The following GREB1 variants were observed in gnomAD, a reference collection of about 807,000 sequenced individuals.
The protein encoded by GREB1 is growth regulating estrogen receptor binding 1.
Under a neutral mutation model 200.7 loss-of-function variants are expected in GREB1, and 106 were observed. The ratio of observed to expected loss-of-function variants is 0.53; its 90% CI spans 0.45 to 0.62. The LOEUF is 0.62. Among genes scored for constraint, GREB1 ranks in the 20% least tolerant of loss-of-function variants. The pLI, the probability that GREB1 is intolerant of heterozygous loss-of-function variation, is 0.00. For missense variants in GREB1, 2,243 were observed against 2,556.8 expected (o/e 0.88, Z 2.65); for synonymous variants, 1,132 against 1,092.4 (o/e 1.04, Z -0.72).
intron 1 of GREB1, among the ~76,000 whole-genome samples, chr2:11,499,671 T>C (rs996769786): frequency 5.3e-5 from 8 of 152,258 alleles, no homozygotes; most frequent in Admixed American, 1.3e-4. Context: ...AGAAAACTTA[T>C]AAAGCATGGA....
chr2:11,631,071 A>G (rs1684837853), intron 26 of GREB1, among the ~76,000 whole-genome samples: 1 of 152,146 alleles, frequency 6.6e-6, no homozygotes, highest in Non-Finnish European at 1.5e-5. Flanking sequence ...GTGAAATTCC[A>G]GGGGTGAAAT....
rs1443145569 is a variant in GREB1, at chr2:11,625,301, T to C, written c.4295T>C (p.Ile1432Thr). The C allele has an allele frequency of 6.2e-7, 1 of 1,614,150 alleles. No homozygotes were observed. Among genetic ancestry groups the C allele is most frequent in the Non-Finnish European group, 8.5e-7 (1 of 1,180,004 alleles). Residue 1432 changes from isoleucine to threonine, a missense_variant, in exon 24 of 33, where the codon ATA (isoleucine) becomes ACA (threonine). Ile to Thr is a moderately conservative substitution (Grantham distance 89, BLOSUM62 -1). This residue lies in a region of GREB1 where 587 missense variants were observed against 553.1 expected (regional missense o/e 1.06). Transcript: ENST00000381486. ...CTGATTTGTTCGCACTATCAGGGTA[T>C]AAAGAGTGAAGGTCAGACTTTGAAT... ...ASLICSHYQG[I>T]KSEDRGMSRK...
At chr2:11,638,315 A>AT (rs1390655365) in intron 31 of GREB1, among the ~76,000 whole-genome samples, 91 of 152,056 alleles carry the variant, frequency 6.0e-4, no homozygotes, top group African/African-American at 2.2e-3. Context: ...TAATTTTTGT[A>AT]TTTTTAGTAG....
At chr2:11,562,187 C>T (rs1032546287) in intron 2 of GREB1, among the ~76,000 whole-genome samples, 6 of 152,210 alleles carry the variant, frequency 3.9e-5, no homozygotes, top group African/African-American at 1.4e-4. Context: ...GCCGTGTGAC[C>T]TTGGGTGAGT....
Position 11,612,500 on chromosome 2 carries a change from G to A in GREB1, c.3012G>A (p.Trp1004Ter). The part of the protein sequence containing the change: ...GKHFVKQLRM[W>*]QKIEDVEWRP... ...TTCTTTTTCGTTATCTGCAGATGTG[G>A]CAGAAAATTGAGGATGTGGAGTGGA... The change falls in exon 19 of 33, where the codon TGG becomes TGA. Residue 1004 changes from tryptophan (W) to a stop codon, truncating the protein, a stop_gained. Coordinates refer to ENST00000381486, the MANE Select transcript of GREB1 (RefSeq NM_014668.4). LOFTEE classifies it high-confidence loss of function. The A allele has an allele frequency of 6.2e-7, 1 of 1,604,986 alleles. No homozygotes were observed. Among genetic ancestry groups the A allele is most frequent in the African/African-American group, 1.3e-5 (1 of 74,880 alleles).
At chr2:11,498,474 T>C (rs1672946637) in intron 1 of GREB1, among the ~76,000 whole-genome samples, 1 of 152,198 alleles carries the variant, frequency 6.6e-6, no homozygotes, top group African/African-American at 2.4e-5. Context: ...TACCTAAAGT[T>C]TGCATAATAA....
intron 1 of GREB1, among the ~76,000 whole-genome samples, chr2:11,485,065 G>T (rs981595631): frequency 6.6e-6 from 1 of 152,068 alleles, no homozygotes; most frequent in South Asian, 2.1e-4. Flanking sequence ...CTGTCCTCGT[G>T]ATCTGCCCGC....
chr2:11,636,036 C>G (rs1393808581), intron 30 of GREB1, among the ~76,000 whole-genome samples: 1 of 152,220 alleles, frequency 6.6e-6, no homozygotes, highest in Non-Finnish European at 1.5e-5. Context: ...CAGGCTCTAT[C>G]CCTCCTTGTC....
At chr2:11,544,452 G>C (rs985473061) in intron 1 of GREB1, among the ~76,000 whole-genome samples, 1 of 152,036 alleles carries the variant, frequency 6.6e-6, no homozygotes, top group Non-Finnish European at 1.5e-5. Flanking sequence ...TCCTGACTTT[G>C]TGATCTGCCC....
chr2:11,619,548 T>C (rs1220989751), intron 22 of GREB1, among the ~76,000 whole-genome samples: 1 of 152,222 alleles, frequency 6.6e-6, no homozygotes, highest in East Asian at 1.9e-4. Flanking sequence ...AAAATGTTTC[T>C]TACCAAGGAG....
Position 11,595,393 on chromosome 2 carries a change from G to A in GREB1, c.1825+14G>A, listed in dbSNP as rs1558605780. The A allele has an allele frequency of 6.2e-7, 1 of 1,611,652 alleles. No homozygotes were observed. The highest frequency in any genetic ancestry group is 8.5e-7 in the Non-Finnish European group (1 of 1,178,386). On this transcript the variant is annotated intron_variant, in intron 12 of 32. Coordinates refer to ENST00000381486, the MANE Select transcript of GREB1 (RefSeq NM_014668.4). Reference sequence around the variant, plus strand: ...CCCTCTGTCCAGGTAGGCTTGTCGTGAGACAGGTGCACATGCGTATGTTAA... The same window carrying A: ...CCCTCTGTCCAGGTAGGCTTGTCGTAAGACAGGTGCACATGCGTATGTTAA...
Position 11,593,101 on chromosome 2 carries a change from C to T in GREB1, c.1671C>T (p.Ala557=). 1 of 1,607,280 alleles carries T rather than the reference C, an allele frequency of 6.2e-7. No homozygotes were observed. The highest frequency in any genetic ancestry group is 8.5e-7 in the Non-Finnish European group (1 of 1,176,140). ...TCATCTGCGCCTGCCGCAGCGCGGC[C>T]ATCGACTCCTGCATCGCCGTCACCG... The part of the protein sequence containing the change: ...VVIICACRSA[A]IDSCIAVTGK... The change falls in exon 11 of 33, where the codon GCC becomes GCT. Residue 557 remains alanine, a synonymous_variant. Coordinates refer to ENST00000381486, the MANE Select transcript of GREB1 (RefSeq NM_014668.4).
chr2:11,582,284 C>CCACA (rs1679571730), intron 7 of GREB1, among the ~76,000 whole-genome samples: 1 of 152,198 alleles, frequency 6.6e-6, no homozygotes, highest in Admixed American at 6.5e-5. Flanking sequence ...CCTTGCCATG[C>CCACA]TCCGTGGAGG....
chr2:11,573,427 T>G (rs944397327), intron 4 of GREB1, among the ~76,000 whole-genome samples: 38 of 152,240 alleles, frequency 2.5e-4, no homozygotes, highest in African/African-American at 8.4e-4. Context: ...CAGGATCCCA[T>G]GCTTTCTAAG....
At chr2:11,554,804 T>C (rs1174505645) in intron 1 of GREB1, among the ~76,000 whole-genome samples, 1 of 152,348 alleles carries the variant, frequency 6.6e-6, no homozygotes, top group Admixed American at 6.5e-5. Context: ...AGCAGGTATA[T>C]GTCAAAAAGA....
At chr2:11,616,742 G>C in intron 21 of GREB1, 22 bp downstream of exon 21, 1 of 1,450,638 alleles carries the variant, frequency 6.9e-7, no homozygotes, top group Non-Finnish European at 9.7e-7. Flanking sequence ...CACACGGGAA[G>C]GACCAGACCA....
chr2:11,486,896 C>G (rs1471506798), intron 1 of GREB1, among the ~76,000 whole-genome samples: 3 of 151,562 alleles, frequency 2.0e-5, no homozygotes, highest in Non-Finnish European at 4.4e-5. Context: ...AAAAAACAAC[C>G]ACAGAAATCT....
intron 1 of GREB1, among the ~76,000 whole-genome samples, chr2:11,491,431 T>C (rs997144547): frequency 6.6e-6 from 1 of 152,216 alleles, no homozygotes; most frequent in Non-Finnish European, 1.5e-5. Flanking sequence ...AGAAATGGGC[T>C]AAATCACTAA....
In GREB1 at chr2:11,585,203, G is replaced by T; in HGVS notation, c.944G>T (p.Gly315Val). The change falls in exon 8 of 33, where the codon GGG (glycine) becomes GTG (valine). Residue 315 changes from glycine (G) to valine (V), a missense_variant. Coordinates refer to ENST00000381486, the MANE Select transcript of GREB1 (RefSeq NM_014668.4). Reference sequence around the variant, plus strand: ...GGGCCCCCCAAAAAACGCCACAAAGGGTGGTCTCCAGAATCTCCATCAGCT... The same window carrying T: ...GGGCCCCCCAAAAAACGCCACAAAGTGTGGTCTCCAGAATCTCCATCAGCT... ...NSGPPKKRHKGWSPESPSAPD... is the reference protein window; with the variant it reads ...NSGPPKKRHKVWSPESPSAPD... 6.3e-7 allele frequency: 1 copy of T among 1,585,918 alleles called. No individual in the cohort carries two copies. The highest frequency in any genetic ancestry group is 8.6e-7 in the Non-Finnish European group (1 of 1,168,824).
Sources: allele counts gnomAD v4.1 joint callset (sites outside exome capture counted in the v4.1 genomes callset), GRCh38; gene constraint gnomAD v4.1.1; regional missense constraint gnomAD v4.1.1; transcripts MANE v1.5; gene names NCBI Gene and HGNC (gene_info 2026-07-23, HGNC 2026-07-21).